Variants in HNF4G observed in about 807,000 individuals in gnomAD.
The protein encoded by HNF4G is hepatocyte nuclear factor 4-gamma.
A neutral mutation model predicts 50.9 loss-of-function variants in HNF4G; 21 were observed. The observed-to-expected ratio is 0.41, with a 90% CI of 0.29 to 0.59. HNF4G has a LOEUF of 0.59. HNF4G is among the 20% of genes least tolerant of loss of function. The probability of loss-of-function intolerance (pLI) is 0.26; values close to 1 mark genes in which losing one functional copy is unlikely to be tolerated. For synonymous variants in HNF4G, 198 were observed against 185.6 expected (o/e 1.07, Z -0.54); for missense variants, 527 against 559.4 (o/e 0.94, Z 0.58).
chr8:75,508,232 G>C (rs990128515), intron 2 of HNF4G, among the ~76,000 whole-genome samples: 1 of 151,984 alleles, frequency 6.6e-6, no homozygotes, highest in African/African-American at 2.4e-5. Context: ...TCTACTCTCT[G>C]GCTCCAAGAA....
Position 75,559,009 on chromosome 8 carries a change from C to T in HNF4G, c.1095C>T (p.Asp365=). Residue 365 remains aspartate (D), a synonymous_variant, in exon 8 of 10, where the codon GAC becomes GAT. Transcript: ENST00000396423. ...FVKLFGMVKI[D]NLLQEMLLGG... The stretch of plus-strand genomic sequence containing the variant: ...AACTTTTTGGGATGGTTAAAATTGA[C>T]AATCTACTTCAGGAAATGCTATTAG... 1 of 1,601,564 alleles carries T rather than the reference C, an allele frequency of 6.2e-7. No homozygotes were observed. The highest frequency in any genetic ancestry group is 8.6e-7 in the Non-Finnish European group (1 of 1,168,670).
At chr8:75,427,379 A>G (rs1432653877) in intron 1 of HNF4G, among the ~76,000 whole-genome samples, 2 of 152,126 alleles carry the variant, frequency 1.3e-5, no homozygotes, top group African/African-American at 4.8e-5. Context: ...GGAGTTCAAG[A>G]CCAGCTTGGC....
intron 1 of HNF4G, among the ~76,000 whole-genome samples, chr8:75,452,471 G>A (rs1027186625): frequency 1.3e-5 from 2 of 152,142 alleles, no homozygotes; most frequent in African/African-American, 4.8e-5. Flanking sequence ...TGTAATCACA[G>A]CACTTTGGGA....
chr8:75,476,038 A>G (rs960647350), intron 1 of HNF4G, among the ~76,000 whole-genome samples: 4 of 152,170 alleles, frequency 2.6e-5, no homozygotes, highest in Non-Finnish European at 5.9e-5. Flanking sequence ...TAGTGTACCC[A>G]TCATTCAAAT....
In HNF4G at chr8:75,566,739, T is replaced by TA. The variant is rs1390911669; in HGVS notation, c.*2644dup. The TA allele has an allele frequency of 6.6e-6, 1 of 152,336 alleles. No homozygotes were observed. Among genetic ancestry groups the TA allele is most frequent in the Non-Finnish European group, 1.5e-5 (1 of 68,004 alleles). The allele number at this position is 152,336 out of a possible 1,614,324, so 9.4% of individuals were successfully genotyped here. ...GGAAATCAAAAATTAGTAGATTTTT[T>TA]ACCATGTTAAATTATAGTGAGATTA... On this transcript the variant is annotated 3_prime_UTR_variant, in exon 10 of 10. Transcript: ENST00000396423.
chr8:75,423,192 T>C (rs1211280277), intron 1 of HNF4G, among the ~76,000 whole-genome samples: 1 of 152,160 alleles, frequency 6.6e-6, no homozygotes, highest in Non-Finnish European at 1.5e-5. Context: ...AATTTTATAC[T>C]TTTTTCTCCC....
chr8:75,529,010 G>C (rs2130761928), intron 2 of HNF4G, among the ~76,000 whole-genome samples: 1 of 152,184 alleles, frequency 6.6e-6, no homozygotes, highest in Middle Eastern at 3.4e-3. Flanking sequence ...ATCTCTGCCG[G>C]GCGCGGTGGC....
chr8:75,514,509 C>T (rs1322554262), intron 2 of HNF4G, among the ~76,000 whole-genome samples: 2 of 151,548 alleles, frequency 1.3e-5, no homozygotes, highest in Non-Finnish European at 2.9e-5. Context: ...TGTGCCACCA[C>T]ACCTGGCTAA....
intron 1 of HNF4G, among the ~76,000 whole-genome samples, chr8:75,419,428 G>T (rs142109791): frequency 3.5e-4 from 53 of 152,274 alleles, no homozygotes; most frequent in African/African-American, 1.2e-3. Context: ...TTGAATCAAT[G>T]GAAAGAAAAA....
At chr8:75,449,015 G>A (rs367614539) in intron 1 of HNF4G, among the ~76,000 whole-genome samples, 8 of 151,954 alleles carry the variant, frequency 5.3e-5, no homozygotes, top group Non-Finnish European at 1.0e-4. Flanking sequence ...GATTTGGGGG[G>A]GTATAGCAGT....
intron 2 of HNF4G, among the ~76,000 whole-genome samples, chr8:75,531,488 G>A (rs1806324581): frequency 6.6e-6 from 1 of 151,764 alleles, no homozygotes; most frequent in Non-Finnish European, 1.5e-5. Context: ...TTTCTCTGTG[G>A]TGCAGTATGA....
chr8:75,503,153 C>T (rs991688585), intron 2 of HNF4G, among the ~76,000 whole-genome samples: 1 of 152,112 alleles, frequency 6.6e-6, no homozygotes, highest in Admixed American at 6.6e-5. Context: ...AAACAATTTT[C>T]TGTGGTAAAG....
At chr8:75,518,086 C>G (rs1180463427) in intron 2 of HNF4G, among the ~76,000 whole-genome samples, 1 of 151,216 alleles carries the variant, frequency 6.6e-6, no homozygotes, top group Non-Finnish European at 1.5e-5. Context: ...GTGCTGCACC[C>G]ATTAACTCGT....
At chr8:75,506,847 TCAACAACAA>T (rs35739290) in intron 2 of HNF4G, among the ~76,000 whole-genome samples, 3 of 151,150 alleles carry the variant, frequency 2.0e-5, no homozygotes, top group Non-Finnish European at 4.4e-5. Flanking sequence ...TGGCAGATCA[TCAACAACAA>T]CAACAACAAC....
rs764244344 is a variant in HNF4G at position 75,551,484 on chromosome 8, G to A, written c.479G>A (p.Arg160Gln). The change falls in exon 4 of 10, where the codon CGG becomes CAG. Residue 160 changes from arginine (R) to glutamine (Q), a missense_variant. By Grantham distance (43) the Arg-to-Gln change is conservative. Around this residue, in one of 5 missense-constraint regions of HNF4G, gnomAD observed 128 missense variants for 135.3 expected, o/e 0.95. Transcript: ENST00000396423. ...SINTLAQAEV[R>Q]SRQISVSSPG... ...AACACACTGGCACAAGCTGAAGTTC[G>A]GTCTCGCCAGGTACCTGTGGCACGG... 8 of 1,594,328 alleles carry A rather than the reference G, an allele frequency of 5.0e-6. No homozygotes were observed. The highest frequency in any genetic ancestry group is 2.2e-5 in the South Asian group (2 of 90,672).
intron 2 of HNF4G, among the ~76,000 whole-genome samples, chr8:75,533,261 A>G (rs1225198309): frequency 2.0e-5 from 3 of 152,042 alleles, no homozygotes; most frequent in African/African-American, 7.2e-5. Flanking sequence ...CCTTCATAGA[A>G]CTTGCTTCTT....
intron 1 of HNF4G, among the ~76,000 whole-genome samples, chr8:75,464,181 A>G (rs1420775864): frequency 6.6e-6 from 1 of 152,122 alleles, no homozygotes; most frequent in Non-Finnish European, 1.5e-5. Context: ...TTTCACTCTC[A>G]GGAAACCTAG....
chr8:75,411,160 A>G (rs575346623), intron 1 of HNF4G, among the ~76,000 whole-genome samples: 1 of 152,348 alleles, frequency 6.6e-6, no homozygotes, highest in African/African-American at 2.4e-5. Context: ...AAGGCACGTC[A>G]GCTCTAGGTC....
At chr8:75,448,586 A>G (rs1392908704) in intron 1 of HNF4G, among the ~76,000 whole-genome samples, 2 of 151,374 alleles carry the variant, frequency 1.3e-5, no homozygotes, top group Non-Finnish European at 1.5e-5. Flanking sequence ...ATATGTGCTT[A>G]TAATATGTTA....
Sources: gnomAD v4.1 joint callset for allele counts (sites outside exome capture counted in the v4.1 genomes callset) on GRCh38, gnomAD v4.1.1 for gene constraint, gnomAD v4.1.1 regional missense constraint, MANE v1.5 for transcripts, NCBI Gene and HGNC (gene_info 2026-07-23, HGNC 2026-07-21) for gene names.